Variants in PDE3A observed in about 807,000 individuals in gnomAD.
PDE3A encodes the protein phosphodiesterase 3A.
A neutral mutation model predicts 98.3 loss-of-function variants in PDE3A; 43 were observed. The observed-to-expected ratio is 0.44, with a 90% CI of 0.34 to 0.56. PDE3A has a LOEUF of 0.56. Ranked by LOEUF, PDE3A falls within the 20% of genes least tolerant of loss-of-function variation. PDE3A has a pLI of 0.01. For synonymous variants in PDE3A, 663 were observed against 567.9 expected, an observed-to-expected ratio of 1.17 and a Z score of -2.38; for missense variants, 1,427 against 1,440.7, an observed-to-expected ratio of 0.99 and a Z score of 0.15.
intron 2 of PDE3A, among the ~76,000 whole-genome samples, chr12:20,589,023 C>T (rs529498841): frequency 8.0e-4 from 121 of 152,182 alleles, no homozygotes; most frequent in Non-Finnish European, 1.0e-3. Context: ...CCTGAGTTTA[C>T]GCCATTCTTC....
chr12:20,576,878 G>C (rs918406344), intron 2 of PDE3A, among the ~76,000 whole-genome samples: 5 of 151,762 alleles, frequency 3.3e-5, no homozygotes, highest in Non-Finnish European at 5.9e-5. Context: ...AACCTAGAGA[G>C]TAACATGGAA....
At chr12:20,400,728 A>G (rs1944115478) in intron 1 of PDE3A, among the ~76,000 whole-genome samples, 1 of 152,210 alleles carries the variant, frequency 6.6e-6, no homozygotes, top group South Asian at 2.1e-4. Context: ...AACATTGTTA[A>G]TATTTTAATA....
At chr12:20,547,103 C>A (rs1014207722) in intron 1 of PDE3A, among the ~76,000 whole-genome samples, 3 of 152,070 alleles carry the variant, frequency 2.0e-5, no homozygotes, top group African/African-American at 7.2e-5. Context: ...GTCTGGCATG[C>A]ATTTCCCCCA....
intron 15 of PDE3A, among the ~76,000 whole-genome samples, chr12:20,676,701 G>A (rs180961778): frequency 1.9e-3 from 295 of 151,992 alleles, no homozygotes; most frequent in Middle Eastern, 0.01. Flanking sequence ...GAGTTTCACC[G>A]TGTTAGGCAG....
chr12:20,532,834 G>A (rs1313172698), intron 1 of PDE3A, among the ~76,000 whole-genome samples: 2 of 151,206 alleles, frequency 1.3e-5, no homozygotes, highest in Admixed American at 1.3e-4. Context: ...GACTACAGGC[G>A]CCCGCCACTA....
At chr12:20,673,244 T>C (rs949708301) in intron 15 of PDE3A, among the ~76,000 whole-genome samples, 2 of 151,842 alleles carry the variant, frequency 1.3e-5, no homozygotes, top group Non-Finnish European at 2.9e-5. Context: ...ACTTTTACAC[T>C]GTTGGTGGGA....
intron 1 of PDE3A, among the ~76,000 whole-genome samples, chr12:20,470,655 CT>C (rs1945421399): frequency 6.6e-6 from 1 of 152,150 alleles, no homozygotes; most frequent in South Asian, 2.1e-4. Context: ...GGGTTTATCT[CT>C]TTTCTTCTTA....
chr12:20,553,212 A>C (rs1044249531), intron 1 of PDE3A, among the ~76,000 whole-genome samples: 5 of 140,566 alleles, frequency 3.6e-5, no homozygotes, highest in Non-Finnish European at 7.7e-5. Flanking sequence ...TCTGGCTAAA[A>C]GTTGGACTTC....
Position 20,646,571 on chromosome 12 carries a change from T to C in PDE3A, c.2333T>C (p.Val778Ala), listed in dbSNP as rs1177179956. Residue 778 changes from valine (V) to alanine (A), a missense_variant, in exon 11 of 16, where the codon GTG becomes GCG. Transcript: ENST00000359062. ...CAGCCTATTCCAGGCCTCTCAACTG[T>C]GATTAATGATCATGGTTCAACCAGT... The part of the protein sequence containing the change: ...TTQPIPGLST[V>A]INDHGSTSDS... The C allele has an allele frequency of 5.0e-6, 8 of 1,605,000 alleles. No homozygotes were observed. Among genetic ancestry groups the C allele is most frequent in the Non-Finnish European group, 6.8e-6 (8 of 1,171,738 alleles).
chr12:20,425,811 A>T (rs1187986769), intron 1 of PDE3A, among the ~76,000 whole-genome samples: 1 of 152,176 alleles, frequency 6.6e-6, no homozygotes, highest in African/African-American at 2.4e-5. Flanking sequence ...GCGGCAGAAT[A>T]TGATGATTAT....
At chr12:20,496,285 A>G (rs1945917680) in intron 1 of PDE3A, among the ~76,000 whole-genome samples, 1 of 152,218 alleles carries the variant, frequency 6.6e-6, no homozygotes, top group Non-Finnish European at 1.5e-5. Flanking sequence ...AAAACCTGCT[A>G]TTATTGAAAG....
rs148455779 is a variant in PDE3A, at chr12:20,648,871, G to A, written c.2749G>A (p.Val917Ile). ...ATDLKKHFDF[V>I]AKFNGKVNDD... is the part of the protein sequence containing the mutation. ...TGACCTGAAGAAACACTTTGACTTC[G>A]TAGCCAAATTTAATGGCAAGGTAAA... Residue 917 changes from valine to isoleucine, a missense_variant, in exon 13 of 16, where the codon GTA becomes ATA. By Grantham distance (29) the Val-to-Ile change is conservative. Coordinates refer to ENST00000359062, the MANE Select transcript of PDE3A (RefSeq NM_000921.5). 22 of 1,610,430 alleles carry A rather than the reference G, an allele frequency of 1.4e-5. No individual in the cohort carries two copies. Among genetic ancestry groups the A allele is most frequent in the South Asian group, 5.5e-5 (5 of 90,976 alleles).
chr12:20,640,600 T>G (rs896954115), intron 10 of PDE3A, among the ~76,000 whole-genome samples: 1 of 152,104 alleles, frequency 6.6e-6, no homozygotes, highest in East Asian at 1.9e-4. Flanking sequence ...AATCAAGTAT[T>G]CAAGCTTTGA....
chr12:20,496,516 C>G (rs1002438467), intron 1 of PDE3A, among the ~76,000 whole-genome samples: 4 of 151,776 alleles, frequency 2.6e-5, no homozygotes, highest in Admixed American at 2.6e-4. Context: ...ACTCCACATC[C>G]CACCCCCCAC....
At chr12:20,550,765 ATGTT>A (rs1183630272) in intron 1 of PDE3A, among the ~76,000 whole-genome samples, 1 of 151,950 alleles carries the variant, frequency 6.6e-6, no homozygotes, top group East Asian at 1.9e-4. Flanking sequence ...TTACTTTGTT[ATGTT>A]TTTTACCTAT....
At position 20,561,830 on chromosome 12, in the gene PDE3A, C is replaced by A. The variant is rs145982683; in HGVS notation, c.1011+5120C>A. 1.9e-3 allele frequency among the ~76,000 whole-genome samples: 293 copies of A among 152,292 alleles called. 2 individuals carry two copies. The highest frequency in any genetic ancestry group is 6.8e-3 in the African/African-American group (281 of 41,560). ...AGAAAAATACCTATCTCTCTTCTAG[C>A]AAATTCCAACCCTTAATTGCATATG... On this transcript the variant is annotated intron_variant, in intron 2 of 15. Coordinates refer to ENST00000359062, the MANE Select transcript of PDE3A (RefSeq NM_000921.5).
At chr12:20,597,806 C>T (rs1014990179) in intron 2 of PDE3A, among the ~76,000 whole-genome samples, 6 of 152,120 alleles carry the variant, frequency 3.9e-5, no homozygotes, top group East Asian at 1.9e-4. Flanking sequence ...ATCTCTGTAG[C>T]CCTAAGGTGT....
chr12:20,534,601 T>C (rs1293631592), intron 1 of PDE3A, among the ~76,000 whole-genome samples: 1 of 152,188 alleles, frequency 6.6e-6, no homozygotes, highest in Non-Finnish European at 1.5e-5. Context: ...ATTAAAAATA[T>C]TGAAATCTCA....
intron 1 of PDE3A, among the ~76,000 whole-genome samples, chr12:20,547,451 T>C (rs1942087919): frequency 6.6e-6 from 1 of 152,180 alleles, no homozygotes; most frequent in Non-Finnish European, 1.5e-5. Flanking sequence ...ACTTAATGAG[T>C]ACATGATGAA....
Sources: gnomAD v4.1 joint callset for allele counts (sites outside exome capture counted in the v4.1 genomes callset) on GRCh38, gnomAD v4.1.1 for gene constraint, MANE v1.5 for transcripts, NCBI Gene and HGNC (gene_info 2026-07-23, HGNC 2026-07-21) for gene names.